EXT1: variants seen among roughly 807,000 people sequenced by gnomAD.
EXT1 encodes exostosin glycosyltransferase 1.
Under a neutral mutation model 82.5 loss-of-function variants are expected in EXT1, and 20 were observed. The observed-to-expected ratio is 0.24, with a 90% CI of 0.17 to 0.35. The LOEUF is 0.35. Among genes scored for constraint, EXT1 ranks in the 10% least tolerant of loss-of-function variants. The probability of loss-of-function intolerance (pLI) is 1.00; values close to 1 mark genes in which losing one functional copy is unlikely to be tolerated. For missense variants in EXT1, 757 were observed against 936.5 expected (o/e 0.81, Z 2.50); for synonymous variants, 348 against 350.8 (o/e 0.99, Z 0.09).
At chr8:118,091,221 G>A (rs1377187411) in intron 1 of EXT1, among the ~76,000 whole-genome samples, 1 of 152,174 alleles carries the variant, frequency 6.6e-6, no homozygotes, top group African/African-American at 2.4e-5. Context: ...CATAAAGCAG[G>A]CTTGTAGGGA....
chr8:117,955,852 T>TG (rs1230526145), intron 1 of EXT1, among the ~76,000 whole-genome samples: 1 of 152,196 alleles, frequency 6.6e-6, no homozygotes, highest in African/African-American at 2.4e-5. Flanking sequence ...ACAATGTGCC[T>TG]GGCCCAAATA....
At chr8:117,948,773 A>C (rs1437656124) in intron 1 of EXT1, among the ~76,000 whole-genome samples, 1 of 152,194 alleles carries the variant, frequency 6.6e-6, no homozygotes, top group African/African-American at 2.4e-5. Flanking sequence ...CCAAAACCCT[A>C]GTAATTTGTC....
chr8:118,070,230 G>C (rs1817065818), intron 1 of EXT1, among the ~76,000 whole-genome samples: 1 of 40,884 alleles, frequency 2.4e-5, no homozygotes, highest in Non-Finnish European at 4.2e-5. Flanking sequence ...AAATTTCTGT[G>C]TGTGTGTGTG....
At position 118,035,549 on chromosome 8, in the gene EXT1, C is replaced by T. The variant is rs75397342; in HGVS notation, c.962+74536G>A. 2.6e-3 allele frequency among the ~76,000 whole-genome samples: 398 copies of T among 151,982 alleles called. 2 individuals carry two copies. Among genetic ancestry groups the T allele is most frequent in the African/African-American group, 9.3e-3 (385 of 41,438 alleles). ...ATTTCAAAAAAAACAGACTTTTCCC[C>T]GGAAGTCAGATGAATAATTTTACAT... On this transcript the variant is annotated intron_variant, in intron 1 of 10. Coordinates refer to ENST00000378204, the MANE Select transcript of EXT1 (RefSeq NM_000127.3).
At chr8:117,903,160 T>C (rs1210144437) in intron 1 of EXT1, among the ~76,000 whole-genome samples, 1 of 152,248 alleles carries the variant, frequency 6.6e-6, no homozygotes, top group Non-Finnish European at 1.5e-5. Flanking sequence ...CTGGTCTTTC[T>C]GGTACTTCCT....
intron 1 of EXT1, among the ~76,000 whole-genome samples, chr8:117,916,696 TGAGGTGAG>T (rs1426470798): frequency 1.3e-5 from 2 of 152,098 alleles, no homozygotes; most frequent in African/African-American, 4.8e-5. Context: ...GAGGATCACT[TGAGGTGAG>T]GAGTTTGAGA....
At chr8:117,809,072 TAG>T (rs1441488911) in intron 8 of EXT1, among the ~76,000 whole-genome samples, 2 of 151,830 alleles carry the variant, frequency 1.3e-5, no homozygotes, top group East Asian at 3.9e-4. Context: ...CCTGGGTCTG[TAG>T]CCTGCAGACG....
chr8:117,893,605 C>A (rs915987019), intron 1 of EXT1, among the ~76,000 whole-genome samples: 2 of 152,194 alleles, frequency 1.3e-5, no homozygotes, highest in Admixed American at 6.5e-5. Flanking sequence ...GGCTGCTAAA[C>A]CCCCGTGATG....
intron 1 of EXT1, among the ~76,000 whole-genome samples, chr8:118,048,442 C>T (rs1816657051): frequency 6.6e-6 from 1 of 152,158 alleles, no homozygotes; most frequent in Non-Finnish European, 1.5e-5. Context: ...TAAGGTATCA[C>T]CTGTTTATTT....
At chr8:117,940,395 C>T (rs1349039341) in intron 1 of EXT1, among the ~76,000 whole-genome samples, 2 of 151,862 alleles carry the variant, frequency 1.3e-5, no homozygotes, top group Non-Finnish European at 2.9e-5. Flanking sequence ...AGCTAGCATT[C>T]CTGGAAGAGC....
In EXT1 at chr8:117,835,495, C is replaced by T; in HGVS notation, c.1113G>A (p.Val371=). The change falls in exon 3 of 11, where the codon GTG becomes GTA. Residue 371 remains valine, a synonymous_variant. Transcript: ENST00000378204. ...SNGWELPFSE[V]INWNQAAVIG... ...TGACGGCAGCTTGGTTCCAATTAAT[C>T]ACTTCAGAGAATGGCAACTCCCATC... The T allele has an allele frequency of 6.2e-7, 1 of 1,614,174 alleles. No homozygotes were observed.
intron 4 of EXT1, among the ~76,000 whole-genome samples, chr8:117,830,019 T>C (rs1385277908): frequency 2.0e-5 from 3 of 152,168 alleles, no homozygotes; most frequent in Non-Finnish European, 2.9e-5. Flanking sequence ...TTTCTCCCCA[T>C]GTAGGTTTTC....
intron 1 of EXT1, among the ~76,000 whole-genome samples, chr8:117,903,361 A>G (rs1410493279): frequency 6.6e-6 from 1 of 152,194 alleles, no homozygotes; most frequent in African/African-American, 2.4e-5. Context: ...TTTGCAGAAC[A>G]CAACTCTTTG....
intron 1 of EXT1, among the ~76,000 whole-genome samples, chr8:118,034,175 A>G (rs1339233511): frequency 6.6e-6 from 1 of 152,154 alleles, no homozygotes; most frequent in Non-Finnish European, 1.5e-5. Flanking sequence ...CTTCATTTTT[A>G]AAGAGGTGAT....
At chr8:117,920,365 G>A (rs1813832252) in intron 1 of EXT1, among the ~76,000 whole-genome samples, 1 of 152,124 alleles carries the variant, frequency 6.6e-6, no homozygotes, top group South Asian at 2.1e-4. Flanking sequence ...CGGCCTCCAA[G>A]TGCTGGGATT....
intron 1 of EXT1, among the ~76,000 whole-genome samples, chr8:117,957,150 G>A (rs2129708643): frequency 6.6e-6 from 1 of 152,274 alleles, no homozygotes; most frequent in Non-Finnish European, 1.5e-5. Flanking sequence ...ACAACGAGGG[G>A]AAGAGCCTCA....
chr8:117,917,940 C>T (rs1019586870), intron 1 of EXT1, among the ~76,000 whole-genome samples: 12 of 152,170 alleles, frequency 7.9e-5, no homozygotes, highest in Admixed American at 5.9e-4. Flanking sequence ...AATACACAGA[C>T]AACCAAAACT....
chr8:117,948,227 T>C (rs1459951390), intron 1 of EXT1, among the ~76,000 whole-genome samples: 1 of 149,266 alleles, frequency 6.7e-6, no homozygotes, highest in Non-Finnish European at 1.5e-5. Flanking sequence ...TAGTAGCAGG[T>C]TGGTCTTGCA....
intron 1 of EXT1, among the ~76,000 whole-genome samples, chr8:117,974,766 C>T (rs1199969632): frequency 5.3e-5 from 8 of 152,184 alleles, no homozygotes. Flanking sequence ...CACACCCAGC[C>T]CTCACTACCT....
Sources: gnomAD v4.1 joint callset for allele counts (sites outside exome capture counted in the v4.1 genomes callset) on GRCh38, gnomAD v4.1.1 for gene constraint, MANE v1.5 for transcripts, NCBI Gene and HGNC (gene_info 2026-07-23, HGNC 2026-07-21) for gene names.